The following CALN1 variants were observed in gnomAD, a reference collection of about 807,000 sequenced individuals.
The protein encoded by CALN1 is calneuron 1, also known as calcium-binding protein 8.
In CALN1, 17 loss-of-function variants were observed where a neutral mutation model predicts 30.6. The ratio of observed to expected loss-of-function variants is 0.56; its 90% CI spans 0.38 to 0.83. CALN1 has a LOEUF of 0.83. Among genes scored for constraint, CALN1 ranks in the 40% least tolerant of loss-of-function variants. The probability of loss-of-function intolerance (pLI) is 0.00; values close to 1 mark genes in which losing one functional copy is unlikely to be tolerated. For missense variants in CALN1, 291 were observed against 354.9 expected, an observed-to-expected ratio of 0.82 and a Z score of 1.45; for synonymous variants, 156 against 131.4, an observed-to-expected ratio of 1.19 and a Z score of -1.28.
chr7:72,369,442 G>A (rs954060803), intron 2 of CALN1, among the ~76,000 whole-genome samples: 10 of 151,026 alleles, frequency 6.6e-5, no homozygotes, highest in African/African-American at 2.4e-4. Flanking sequence ...GCTCACCTCA[G>A]CCTCTGCCTC....
intron 3 of CALN1, among the ~76,000 whole-genome samples, chr7:72,142,777 C>T (rs1810049717): frequency 6.6e-6 from 1 of 152,186 alleles, no homozygotes; most frequent in Non-Finnish European, 1.5e-5. Flanking sequence ...TGAGATGAAA[C>T]TTCCAGAGGA....
chr7:71,998,313 G>C (rs989718639), intron 5 of CALN1, among the ~76,000 whole-genome samples: 1 of 152,116 alleles, frequency 6.6e-6, no homozygotes, highest in Admixed American at 6.6e-5. Context: ...GGAGGAGGAA[G>C]AAATAAGAGG....
chr7:72,482,758 GA>G, the CALN1 span, among the ~76,000 whole-genome samples: 2 of 151,902 alleles, frequency 1.3e-5, no homozygotes, highest in African/African-American at 2.4e-5. Context: ...TAAATAATAA[GA>G]AAAAATACAT....
At chr7:72,125,938 T>C (rs1342135799) in intron 3 of CALN1, among the ~76,000 whole-genome samples, 1 of 151,734 alleles carries the variant, frequency 6.6e-6, no homozygotes, top group East Asian at 1.9e-4. Flanking sequence ...AAGTAGGGAT[T>C]ATAGGCGCGT....
chr7:72,408,675 C>CT lies in CALN1; in HGVS notation c.-74+3382dup, dbSNP rs534883618. Among the ~76,000 whole-genome samples, 53 of 77,982 alleles carry CT rather than the reference C, an allele frequency of 6.8e-4. 2 individuals are homozygous for CT. Among genetic ancestry groups the CT allele is most frequent in the Admixed American group, 1.3e-3 (6 of 4,572 alleles). The allele number at this position is 77,982 out of a possible 152,430, so 51.2% of individuals were successfully genotyped here. On this transcript the variant is annotated intron_variant, in intron 1 of 6. Coordinates refer to ENST00000395275, the MANE Select transcript of CALN1 (RefSeq NM_031468.4). ...AATGACCACCAATTATTATCTTTTC[C>CT]TTTTTTTTTTTTTTTTTTTGAGACA...
intron 5 of CALN1, among the ~76,000 whole-genome samples, chr7:71,910,267 T>C (rs1379860733): frequency 6.6e-6 from 1 of 152,160 alleles, no homozygotes. Flanking sequence ...TGGGGAAAGA[T>C]ATGGAGAACC....
rs1357127183 is a variant in CALN1 at position 71,861,100 on chromosome 7, A to G, written c.502-50608T>C. Among the ~76,000 whole-genome samples the G allele has an allele frequency of 2.0e-5, 3 of 152,284 alleles. No homozygotes were observed. In the East Asian group the frequency reaches 5.8e-4, roughly 29 times the overall value. ...CCTTCCTCATGTCTCCAAGAGATGC[A>G]TGGAGACATGCATGCTTAACACTGA... On this transcript the variant is annotated intron_variant, in intron 5 of 6. Coordinates refer to ENST00000395275, the MANE Select transcript of CALN1 (RefSeq NM_031468.4).
intron 5 of CALN1, among the ~76,000 whole-genome samples, chr7:71,821,785 TTTC>T (rs1420951818): frequency 5.6e-5 from 6 of 106,286 alleles, no homozygotes; most frequent in African/African-American, 2.3e-4. Context: ...TAAATGTTTC[TTTC>T]TTTTTTTTTT....
intron 2 of CALN1, among the ~76,000 whole-genome samples, chr7:72,280,941 G>C (rs763738512): frequency 6.6e-6 from 1 of 151,962 alleles, no homozygotes; most frequent in Non-Finnish European, 1.5e-5. Flanking sequence ...TCAGGAGTTC[G>C]AGACCAGCCT....
intron 6 of CALN1, among the ~76,000 whole-genome samples, chr7:71,798,525 C>A (rs985334640): frequency 6.6e-6 from 1 of 151,748 alleles, no homozygotes; most frequent in South Asian, 2.1e-4. Flanking sequence ...AGGCTGGTCT[C>A]GAACTCCTGG....
chr7:72,162,555 G>A (rs1010474573), intron 3 of CALN1, among the ~76,000 whole-genome samples: 6 of 151,742 alleles, frequency 4.0e-5, no homozygotes, highest in South Asian at 4.2e-4. Context: ...GCAACATGGT[G>A]AAACCCAGTT....
chr7:71,819,114 T>C lies in CALN1; in HGVS notation c.502-8622A>G, dbSNP rs374511710. Among the ~76,000 whole-genome samples, 8 of 152,234 alleles carry C rather than the reference T, an allele frequency of 5.3e-5. No individual in the cohort carries two copies. In the South Asian group the frequency reaches 8.3e-4, roughly 16 times the overall value. On this transcript the variant is annotated intron_variant, in intron 5 of 6. Coordinates refer to ENST00000395275, the MANE Select transcript of CALN1 (RefSeq NM_031468.4). The stretch of plus-strand genomic sequence containing the variant: ...AAGCAGTCCTACCACTTCAGCCTCC[T>C]GAGTAGCTGGGACTACAGACATGCA...
chr7:72,045,429 G>A (rs539084030), intron 4 of CALN1, among the ~76,000 whole-genome samples: 13 of 152,220 alleles, frequency 8.5e-5, no homozygotes, highest in African/African-American at 3.1e-4. Flanking sequence ...TGAATTGCAG[G>A]AACAACCCCA....
intron 2 of CALN1, among the ~76,000 whole-genome samples, chr7:72,305,887 G>C (rs1295441971): frequency 2.0e-5 from 3 of 152,142 alleles, no homozygotes; most frequent in Non-Finnish European, 4.4e-5. Context: ...CATGGTCGGG[G>C]AGAGACAGAA....
chr7:71,852,908 T>A (rs2116603278), intron 5 of CALN1, among the ~76,000 whole-genome samples: 1 of 152,358 alleles, frequency 6.6e-6, no homozygotes, highest in South Asian at 2.1e-4. Flanking sequence ...CAGGATTGTT[T>A]GTCTTTTACA....
At chr7:72,190,142 G>A (rs1790497224) in intron 3 of CALN1, among the ~76,000 whole-genome samples, 1 of 152,152 alleles carries the variant, frequency 6.6e-6, no homozygotes, top group Non-Finnish European at 1.5e-5. Flanking sequence ...GATCACCTAA[G>A]GTCAGGAGTT....
chr7:72,409,481 C>G (rs1005984646), intron 1 of CALN1, among the ~76,000 whole-genome samples: 1 of 146,886 alleles, frequency 6.8e-6, no homozygotes, highest in Non-Finnish European at 1.5e-5. Context: ...AGGAAGGAGG[C>G]ATATGGATAG....
intron 5 of CALN1, among the ~76,000 whole-genome samples, chr7:71,834,348 T>TAAA (rs60091117): frequency 1.0e-4 from 9 of 89,816 alleles, no homozygotes; most frequent in African/African-American, 4.1e-4. Context: ...CGATCCACCC[T>TAAA]AAAAAAAAAA....
chr7:72,172,606 G>C lies in CALN1; in HGVS notation c.245-66312C>G, dbSNP rs563385150. 1.1e-4 allele frequency among the ~76,000 whole-genome samples: 16 copies of C among 152,250 alleles called. No individual in the cohort carries two copies. The South Asian group carries it at 3.3e-3, about 32-fold the overall frequency. ...GTACATAACACATCATGACTAAGTA[G>C]GGTTTATTCCAGGAATGCAAGCCTG... On this transcript the variant is annotated intron_variant, in intron 3 of 6. Transcript: ENST00000395275.
Sources: gnomAD v4.1 joint callset for allele counts (sites outside exome capture counted in the v4.1 genomes callset) on GRCh38, gnomAD v4.1.1 for gene constraint, MANE v1.5 for transcripts, NCBI Gene and HGNC (gene_info 2026-07-23, HGNC 2026-07-21) for gene names.